The following AK2 variants were observed in gnomAD, a reference collection of about 807,000 sequenced individuals.
AK2 encodes adenylate kinase 2, mitochondrial.
A neutral mutation model predicts 24.6 loss-of-function variants in AK2; 15 were observed. The ratio of observed to expected loss-of-function variants is 0.61; its 90% CI spans 0.41 to 0.94. The LOEUF (loss-of-function observed/expected upper bound fraction) is 0.94, where lower values mean the gene tolerates loss of function less well. Among genes scored for constraint, AK2 ranks in the 40% least tolerant of loss-of-function variants. The pLI, the probability that AK2 is intolerant of heterozygous loss-of-function variation, is 0.00. For missense variants in AK2, 257 were observed against 304.1 expected (o/e 0.85, Z 1.15); for synonymous variants, 102 against 114.0 (o/e 0.90, Z 0.67).
chr1:33,028,781 G>T (rs374723939), intron 1 of AK2, among the ~76,000 whole-genome samples: 1 of 152,280 alleles, frequency 6.6e-6, no homozygotes, highest in East Asian at 1.9e-4. Flanking sequence ...CAGCATGGTG[G>T]GCTGAGTGGT....
At chr1:33,024,165 T>C (rs1471674368) in intron 2 of AK2, 1 of 393,646 alleles carries the variant, frequency 2.5e-6, no homozygotes, top group Admixed American at 3.7e-5. Flanking sequence ...AGCGAGACTT[T>C]GTCAAAAAAA....
At chr1:33,023,653 G>A (rs889228170) in intron 2 of AK2, among the ~76,000 whole-genome samples, 3 of 152,114 alleles carry the variant, frequency 2.0e-5, no homozygotes, top group Non-Finnish European at 4.4e-5. Context: ...TAATTGCTTT[G>A]TTACAGAAAC....
chr1:33,012,018 T>G lies in AK2; in HGVS notation c.*1163A>C. 1.3e-6 allele frequency: 2 copies of G among 1,535,392 alleles called. No individual in the cohort carries two copies. Among genetic ancestry groups the G allele is most frequent in the Non-Finnish European group, 1.7e-6 (2 of 1,146,708 alleles). ...AATCCAAGAATAGATCACACACTGTTTTGTTCACACTTGGAAACACAGGCA... is the reference window on the plus strand; with the variant it reads ...AATCCAAGAATAGATCACACACTGTGTTGTTCACACTTGGAAACACAGGCA... On this transcript the variant is annotated 3_prime_UTR_variant, in exon 6 of 6. Coordinates refer to ENST00000672715, the MANE Select transcript of AK2 (RefSeq NM_001625.4).
chr1:33,030,181 C>T (rs1640150682), intron 1 of AK2, among the ~76,000 whole-genome samples: 3 of 152,252 alleles, frequency 2.0e-5, no homozygotes, highest in Non-Finnish European at 4.4e-5. Context: ...AGGACCTCAA[C>T]ACAAGCTCCT....
intron 4 of AK2, 54 bp downstream of exon 4, chr1:33,021,313 A>AGAGTTT (rs1639536542): frequency 2.7e-6 from 4 of 1,484,108 alleles, no homozygotes; most frequent in East Asian, 4.5e-5. Flanking sequence ...AGCAATTCTC[A>AGAGTTT]GAGTTTGAGA....
chr1:33,025,188 CAAAAA>C (rs386366656), intron 1 of AK2, among the ~76,000 whole-genome samples: 5 of 68,404 alleles, frequency 7.3e-5, no homozygotes, highest in African/African-American at 1.9e-4. Flanking sequence ...GACTTCGTCT[CAAAAA>C]AAAAAAAAAA....
chr1:33,018,482 G>A (rs931742604), intron 4 of AK2, among the ~76,000 whole-genome samples: 5 of 152,102 alleles, frequency 3.3e-5, no homozygotes, highest in African/African-American at 1.2e-4. Context: ...TAAACTGACT[G>A]GTTCCTGCCT....
chr1:33,011,852 G>A lies in AK2; in HGVS notation c.*1329C>T. The A allele has an allele frequency of 6.6e-7, 1 of 1,522,582 alleles. No homozygotes were observed. Among genetic ancestry groups the A allele is most frequent in the South Asian group, 1.2e-5 (1 of 83,024 alleles). 94.3% of individuals were successfully genotyped at this position (1,522,582 alleles called of 1,614,324 possible). A position where few individuals can be genotyped will look rare whatever the true frequency, so the allele number is the denominator to read the frequency against. ...TTCTGGGTGATCTTTTCTTGGGGAAGTCCATGGCTATAGCCATCATAAAAT... is the reference window on the plus strand; with the variant it reads ...TTCTGGGTGATCTTTTCTTGGGGAAATCCATGGCTATAGCCATCATAAAAT... On this transcript the variant is annotated 3_prime_UTR_variant, in exon 6 of 6. Transcript: ENST00000672715.
At chr1:33,030,486 C>T (rs1293872253) in intron 1 of AK2, among the ~76,000 whole-genome samples, 5 of 151,876 alleles carry the variant, frequency 3.3e-5, no homozygotes, top group African/African-American at 7.3e-5. Flanking sequence ...CCCAGGAGTT[C>T]GAGGCTTCAA....
chr1:33,018,108 T>C lies in AK2; in HGVS notation c.425+3259A>G, dbSNP rs868699276. 3.9e-5 allele frequency among the ~76,000 whole-genome samples: 6 copies of C among 152,238 alleles called. No individual in the cohort carries two copies. The Middle Eastern group carries it at 0.01, about 259-fold the overall frequency. On this transcript the variant is annotated intron_variant, in intron 4 of 5. Transcript: ENST00000672715. ...AACACTTGTTTTCTCATCCACAAAATTGGGATGGTACCAGGTATTAAGATA... is the reference window on the plus strand; with the variant it reads ...AACACTTGTTTTCTCATCCACAAAACTGGGATGGTACCAGGTATTAAGATA...
At chr1:33,028,647 T>C (rs138102396) in intron 1 of AK2, among the ~76,000 whole-genome samples, 2 of 152,270 alleles carry the variant, frequency 1.3e-5, no homozygotes, top group Non-Finnish European at 2.9e-5. Context: ...CACTCAGTCA[T>C]AGTCTGTTGC....
intron 5 of AK2, 116 bp from the exon 6 acceptor site, chr1:33,013,518 A>C: frequency 6.5e-7 from 1 of 1,529,358 alleles, no homozygotes; most frequent in Non-Finnish European, 8.8e-7. Flanking sequence ...CTGTTCCCAA[A>C]GCCCATCAGA....
At position 33,012,722 on chromosome 1, in the gene AK2, TC is replaced by T; in HGVS notation, c.*458del. Reference sequence around the variant, plus strand: ...GACCAGCCTGGGCAACTTGGCAAAATCCTGTCTCTACAAAAAATACAAATAT... The same window carrying T: ...GACCAGCCTGGGCAACTTGGCAAAATCTGTCTCTACAAAAAATACAAATAT... On this transcript the variant is annotated 3_prime_UTR_variant, in exon 6 of 6. Coordinates refer to ENST00000672715, the MANE Select transcript of AK2 (RefSeq NM_001625.4). 1 of 1,064,134 alleles carries T rather than the reference TC, an allele frequency of 9.4e-7. No homozygotes were observed. The highest frequency in any genetic ancestry group is 1.3e-5 in the South Asian group (1 of 76,048). The allele number at this position is 1,064,134 out of a possible 1,614,324, so 65.9% of individuals were successfully genotyped here.
chr1:33,021,088 G>A (rs1639517102), intron 4 of AK2, among the ~76,000 whole-genome samples: 1 of 151,918 alleles, frequency 6.6e-6, no homozygotes, highest in Non-Finnish European at 1.5e-5. Flanking sequence ...GGAGGTTGCA[G>A]TGAGCCGAGA....
chr1:33,012,256 T>A lies in AK2; in HGVS notation c.*925A>T, dbSNP rs1324443857. On this transcript the variant is annotated 3_prime_UTR_variant, in exon 6 of 6. Transcript: ENST00000672715. The stretch of plus-strand genomic sequence containing the variant: ...CATCATGATGCAGATCACAAAAATA[T>A]TCCAATTTGGCCTGGCTCTTTTTAT... 6.5e-7 allele frequency: 1 copy of A among 1,535,110 alleles called. No individual in the cohort carries two copies. The highest frequency in any genetic ancestry group is 1.2e-5 in the South Asian group (1 of 83,898).
Position 33,013,195 on chromosome 1 carries a change from C to G in AK2, c.706G>C (p.Val236Leu), listed in dbSNP as rs770073662. 2 of 1,614,092 alleles carry G rather than the reference C, an allele frequency of 1.2e-6. No individual in the cohort carries two copies. The highest frequency in any genetic ancestry group is 1.7e-6 in the Non-Finnish European group (2 of 1,179,950). The part of the protein sequence containing the change: ...AFSKATCKDL[V>L]MFI ...TGGACCCAACATTAGATAAACATAA[C>G]CAAGTCTTTACATGTGGCTTTGGAG... Residue 236 changes from valine (V) to leucine (L), a missense_variant, in exon 6 of 6, where the codon GTT becomes CTT. Physicochemically the swap from Val to Leu is conservative, Grantham distance 32 (BLOSUM62 1). Transcript: ENST00000672715.
At position 33,009,595 on chromosome 1, in the gene AK2, G is replaced by T. The variant is rs1197415149; in HGVS notation, c.*3586C>A. On this transcript the variant is annotated 3_prime_UTR_variant, in exon 6 of 6. Coordinates refer to ENST00000672715, the MANE Select transcript of AK2 (RefSeq NM_001625.4). ...CATTTAATGCCATTAAGGCCAAGAA[G>T]GTGGCATAACCAACTTCCTTTTTCA... 2.2e-6 allele frequency: 1 copy of T among 454,094 alleles called. No homozygotes were observed. Among genetic ancestry groups the T allele is most frequent in the South Asian group, 1.6e-5 (1 of 64,484 alleles). 28.1% of individuals were successfully genotyped at this position (454,094 alleles called of 1,614,324 possible).
rs1638779518 is a variant in AK2 at position 33,010,843 on chromosome 1, A to G, written c.*2338T>C. ...GCCTTCTGATACTAGGCTGAAATAG[A>G]GAGGAAACAAGAGAGAACAAAATGG... On this transcript the variant is annotated 3_prime_UTR_variant, in exon 6 of 6. Transcript: ENST00000672715. 1.1e-5 allele frequency: 16 copies of G among 1,511,430 alleles called. No individual in the cohort carries two copies. Among genetic ancestry groups the G allele is most frequent in the Non-Finnish European group, 1.4e-5 (15 of 1,107,784 alleles). 93.6% of individuals were successfully genotyped at this position (1,511,430 alleles called of 1,614,324 possible). A position where few individuals can be genotyped will look rare whatever the true frequency, so the allele number is the denominator to read the frequency against.
chr1:33,036,811 T>C lies in AK2; in HGVS notation c.18A>G (p.Pro6=). The stretch of plus-strand genomic sequence containing the variant: ...CTTTAGGATACTCGGGTTCTGCCGC[T>C]GGCACGCTGGGAGCCATGTCCGCCG... MAPSV[P]AAEPEYPKGI... is the part of the protein sequence containing the mutation. The change falls in exon 1 of 6, where the codon CCA becomes CCG. Residue 6 remains proline (P), a synonymous_variant. Transcript: ENST00000672715. 6.3e-7 allele frequency: 1 copy of C among 1,594,542 alleles called. No homozygotes were observed. Among genetic ancestry groups the C allele is most frequent in the Non-Finnish European group, 8.5e-7 (1 of 1,171,410 alleles).
Sources: gnomAD v4.1 joint callset for allele counts (sites outside exome capture counted in the v4.1 genomes callset) on GRCh38, gnomAD v4.1.1 for gene constraint, MANE v1.5 for transcripts, NCBI Gene and HGNC (gene_info 2026-07-23, HGNC 2026-07-21) for gene names.